MRTFA: variants seen among roughly 807,000 people sequenced by gnomAD.
MRTFA encodes myocardin-related transcription factor A.
In MRTFA, 20 loss-of-function variants were observed where a neutral mutation model predicts 83.5. That is an observed-to-expected ratio of 0.24 (90% CI 0.17 to 0.35). The LOEUF (loss-of-function observed/expected upper bound fraction) is 0.35. Among genes scored for constraint, MRTFA ranks in the 10% least tolerant of loss-of-function variants. The pLI is 1.00. For missense variants in MRTFA, 1,200 were observed against 1,224.7 expected (o/e 0.98, Z 0.30); for synonymous variants, 659 against 541.2 (o/e 1.22, Z -3.02).
At chr22:40,579,721 A>T (rs1416315848) in intron 2 of MRTFA, among the ~76,000 whole-genome samples, 1 of 152,026 alleles carries the variant, frequency 6.6e-6, no homozygotes, top group African/African-American at 2.4e-5. Flanking sequence ...TTAGCCGGGC[A>T]TGGTGGCAGG....
In MRTFA at chr22:40,418,251, A is replaced by G. The variant is rs1236223085; in HGVS notation, c.2364+123T>C. On this transcript the variant is annotated intron_variant, in intron 12 of 14. Coordinates refer to ENST00000355630, the MANE Select transcript of MRTFA (RefSeq NM_020831.6). ...AGTCTCAGTACCCCCCTGGTGAAGG[A>G]AGATTAAATGAAGCAAACACAAAAT... 1.8e-5 allele frequency: 27 copies of G among 1,489,218 alleles called. No homozygotes were observed. In the East Asian group the frequency reaches 6.6e-4, roughly 36 times the overall value. The allele number at this position is 1,489,218 out of a possible 1,614,324, so 92.3% of individuals were successfully genotyped here.
intron 3 of MRTFA, among the ~76,000 whole-genome samples, chr22:40,539,289 C>T (rs5750957): frequency 0.66 from 99,670 of 151,534 alleles, 33,176 homozygotes; most frequent in Admixed American, 0.73. Flanking sequence ...CATAAGCCAC[C>T]GCACCCAGCC....
At chr22:40,487,914 T>C (rs947868939) in intron 3 of MRTFA, among the ~76,000 whole-genome samples, 1 of 152,118 alleles carries the variant, frequency 6.6e-6, no homozygotes, top group African/African-American at 2.4e-5. Context: ...ACCTAATGCA[T>C]ATGAACCACC....
intron 3 of MRTFA, among the ~76,000 whole-genome samples, chr22:40,500,793 C>G (rs2054454559): frequency 6.6e-6 from 1 of 151,486 alleles, no homozygotes; most frequent in Non-Finnish European, 1.5e-5. Context: ...ATGTCTACTT[C>G]TTTCTACACA....
chr22:40,420,258 T>G, intron 11 of MRTFA, 147 bp downstream of exon 11: 1 of 912,326 alleles, frequency 1.1e-6, no homozygotes, highest in Non-Finnish European at 1.6e-6. Context: ...CCCTGTCTGA[T>G]GGGGACCAGA....
chr22:40,536,329 G>A (rs1034113525), intron 3 of MRTFA, among the ~76,000 whole-genome samples: 57 of 151,560 alleles, frequency 3.8e-4, no homozygotes, highest in South Asian at 1.0e-3. Context: ...GGCCGAAGCC[G>A]CCGCCGCCCG....
chr22:40,588,497 C>T (rs1298790315), intron 2 of MRTFA, among the ~76,000 whole-genome samples: 1 of 152,174 alleles, frequency 6.6e-6, no homozygotes, highest in African/African-American at 2.4e-5. Flanking sequence ...ACCAAAAATG[C>T]CTCCATACTT....
chr22:40,629,377 C>T (rs1266071207), intron 1 of MRTFA, among the ~76,000 whole-genome samples: 3 of 151,396 alleles, frequency 2.0e-5, no homozygotes, highest in Admixed American at 2.0e-4. Flanking sequence ...ACCCGGGAGA[C>T]GGAGGTTGCA....
At chr22:40,441,748 C>T (rs2053279153) in intron 4 of MRTFA, among the ~76,000 whole-genome samples, 1 of 151,506 alleles carries the variant, frequency 6.6e-6, no homozygotes, top group Non-Finnish European at 1.5e-5. Flanking sequence ...GACCGTGACA[C>T]TGTACTCCAA....
intron 1 of MRTFA, among the ~76,000 whole-genome samples, chr22:40,618,307 G>A (rs1469337337): frequency 6.7e-5 from 10 of 148,412 alleles, no homozygotes; most frequent in Admixed American, 6.8e-5. Context: ...AGCCAGGGTG[G>A]TCTCAATCTC....
intron 2 of MRTFA, among the ~76,000 whole-genome samples, chr22:40,572,157 A>C (rs1246328479): frequency 6.6e-6 from 1 of 152,198 alleles, no homozygotes; most frequent in African/African-American, 2.4e-5. Context: ...ATTGGGACAC[A>C]TATAGAGAAA....
chr22:40,435,369 C>T, intron 5 of MRTFA, 130 bp downstream of exon 5: 1 of 953,566 alleles, frequency 1.0e-6, no homozygotes, highest in Non-Finnish European at 1.7e-6. Context: ...AAGGCCAGGG[C>T]TGGCCCTAGA....
intron 2 of MRTFA, among the ~76,000 whole-genome samples, chr22:40,571,014 T>C (rs1278576121): frequency 1.1e-5 from 1 of 92,882 alleles, no homozygotes; most frequent in Non-Finnish European, 2.0e-5. Flanking sequence ...ACATAGTGAA[T>C]CCCTGTCTCT....
At position 40,636,685 on chromosome 22, in the gene MRTFA, C is replaced by G. The variant is rs2056706361; in HGVS notation, c.-291G>C. On this transcript the variant is annotated 5_prime_UTR_variant, in exon 1 of 15. Transcript: ENST00000355630. ...CCGCGGCCACCACAGACACTGCCGC[C>G]GCCGGCTCCTCTCAGCCACGGAAGC... 6.6e-6 allele frequency: 1 copy of G among 152,462 alleles called. No homozygotes were observed. The highest frequency in any genetic ancestry group is 2.4e-5 in the African/African-American group (1 of 41,470). 9.4% of individuals were successfully genotyped at this position (152,462 alleles called of 1,614,324 possible).
chr22:40,551,087 G>A (rs111499504), intron 3 of MRTFA, among the ~76,000 whole-genome samples: 1 of 151,668 alleles, frequency 6.6e-6, no homozygotes, highest in African/African-American at 2.4e-5. Context: ...CCGACCTCAG[G>A]GATCCGCCCG....
intron 3 of MRTFA, among the ~76,000 whole-genome samples, chr22:40,509,935 C>T (rs1000325192): frequency 7.0e-6 from 1 of 142,276 alleles, no homozygotes; most frequent in Non-Finnish European, 1.5e-5. Context: ...AAAATCAAAA[C>T]GTATTCTTCC....
At chr22:40,483,060 C>CA (rs932559372) in intron 3 of MRTFA, among the ~76,000 whole-genome samples, 1 of 151,716 alleles carries the variant, frequency 6.6e-6, no homozygotes, top group Non-Finnish European at 1.5e-5. Context: ...GAGCCCGTCT[C>CA]AAAAAAACAA....
intron 4 of MRTFA, chr22:40,439,951 G>A: frequency 6.2e-6 from 1 of 161,380 alleles, no homozygotes; most frequent in South Asian, 1.4e-4. Context: ...CAGGAGTTCA[G>A]GACCAACCTG....
intron 3 of MRTFA, among the ~76,000 whole-genome samples, chr22:40,464,912 T>A (rs963036580): frequency 6.6e-6 from 1 of 152,194 alleles, no homozygotes; most frequent in Non-Finnish European, 1.5e-5. Context: ...TCCCCTCTTA[T>A]CAATTTTACC....
Sources: allele counts gnomAD v4.1 joint callset (sites outside exome capture counted in the v4.1 genomes callset), GRCh38; gene constraint gnomAD v4.1.1; transcripts MANE v1.5; gene names NCBI Gene and HGNC (gene_info 2026-07-23, HGNC 2026-07-21).